UBOX5: variants seen among roughly 807,000 people sequenced by gnomAD.
UBOX5 encodes the protein RING finger protein 37.
Under a neutral mutation model 39.0 loss-of-function variants are expected in UBOX5, and 28 were observed. The observed-to-expected ratio is 0.72, with a 90% CI of 0.53 to 0.98. The LOEUF is 0.98. Among genes scored for constraint, UBOX5 ranks in the 50% least tolerant of loss-of-function variants. UBOX5 has a pLI of 0.00. For missense variants in UBOX5, 585 were observed against 674.4 expected (o/e 0.87, Z 1.47); for synonymous variants, 283 against 275.5 (o/e 1.03, Z -0.27).
intron 1 of UBOX5, among the ~76,000 whole-genome samples, chr20:3,134,174 T>C (rs1384908473): frequency 6.6e-6 from 1 of 152,182 alleles, no homozygotes; most frequent in Non-Finnish European, 1.5e-5. Flanking sequence ...ATATATTATG[T>C]GTATCATCTT....
At chr20:3,148,521 T>A in intron 1 of UBOX5, 1 of 1,614,170 alleles carries the variant, frequency 6.2e-7, no homozygotes, top group Non-Finnish European at 8.5e-7. Flanking sequence ...AAGCTGGTAC[T>A]GCCCAGCAAG....
intron 1 of UBOX5, among the ~76,000 whole-genome samples, chr20:3,128,984 T>G (rs1477727654): frequency 6.6e-6 from 1 of 152,210 alleles, no homozygotes; most frequent in African/African-American, 2.4e-5. Flanking sequence ...GACCTGAAAT[T>G]AAGGAAAATC....
At chr20:3,113,323 A>C (rs2148586478) in intron 4 of UBOX5, among the ~76,000 whole-genome samples, 1 of 150,144 alleles carries the variant, frequency 6.7e-6, no homozygotes. Context: ...AAAAAGACAC[A>C]GTGAGAGTGG....
Position 3,115,333 on chromosome 20 carries a change from G to A in UBOX5, c.1389C>T (p.Asn463=). The A allele has an allele frequency of 6.2e-7, 1 of 1,613,280 alleles. No homozygotes were observed. The highest frequency in any genetic ancestry group is 8.5e-7 in the Non-Finnish European group (1 of 1,179,616). ...AGCCGGTGCCAGGCCTCCAGGAAGT[G>A]TTGCTCCCTCTTGTGCCAAGGTGCT... ...QLQHLGTRGS[N]TSWRPGTGSE... is the part of the protein sequence containing the mutation. The change falls in exon 4 of 5, where the codon AAC becomes AAT. Residue 463 remains asparagine (N), a synonymous_variant. Transcript: ENST00000217173.
At chr20:3,150,235 AACTC>A (rs1600415624) in intron 1 of UBOX5, among the ~76,000 whole-genome samples, 1 of 152,188 alleles carries the variant, frequency 6.6e-6, no homozygotes, top group East Asian at 1.9e-4. Context: ...TATACTAAAA[AACTC>A]ACTCATTTTG....
Position 3,121,951 on chromosome 20 carries a change from T to C in UBOX5, c.688A>G (p.Met230Val). The C allele has an allele frequency of 1.2e-6, 2 of 1,613,908 alleles. No homozygotes were observed. Among genetic ancestry groups the C allele is most frequent in the East Asian group, 2.2e-5 (1 of 44,872 alleles). ...DVALQAPALP[M>V]ESDCDPGDQP... ...TCCCCAGGGTCACAGTCACTTTCCATGGGCAAGGCTGGAGCCTGCAGAGCC... is the reference window on the plus strand; with the variant it reads ...TCCCCAGGGTCACAGTCACTTTCCACGGGCAAGGCTGGAGCCTGCAGAGCC... Residue 230 changes from methionine to valine, a missense_variant, in exon 3 of 5, where the codon ATG becomes GTG. Transcript: ENST00000217173.
chr20:3,143,631 T>C lies in UBOX5; in HGVS notation c.-42+16135A>G, dbSNP rs1366918398. Among the ~76,000 whole-genome samples, 6 of 151,974 alleles carry C rather than the reference T, an allele frequency of 3.9e-5. No individual in the cohort carries two copies. In the East Asian group the frequency reaches 1.2e-3, roughly 30 times the overall value. ...CAAGATGGCGAAACCCTGTCTCTAT[T>C]AAAAATACAAAAAATTAGCTGGGCG... On this transcript the variant is annotated intron_variant, in intron 1 of 4. Coordinates refer to ENST00000217173, the MANE Select transcript of UBOX5 (RefSeq NM_014948.4).
At chr20:3,136,609 C>T (rs1265266846) in intron 1 of UBOX5, among the ~76,000 whole-genome samples, 1 of 152,114 alleles carries the variant, frequency 6.6e-6, no homozygotes, top group Non-Finnish European at 1.5e-5. Flanking sequence ...CCCACCTCAG[C>T]CTCCCAAAGT....
At chr20:3,146,562 G>C (rs2066565041) in intron 1 of UBOX5, 1 of 541,044 alleles carries the variant, frequency 1.8e-6, no homozygotes, top group African/African-American at 1.9e-5. Context: ...TATTTACTAA[G>C]AGTAACATGT....
chr20:3,134,782 T>C (rs1035152591), intron 1 of UBOX5, among the ~76,000 whole-genome samples: 2 of 151,696 alleles, frequency 1.3e-5, no homozygotes, highest in Non-Finnish European at 2.9e-5. Flanking sequence ...TCACAATCAC[T>C]TGAACCCGGG....
chr20:3,158,851 A>G (rs995370377), intron 1 of UBOX5, among the ~76,000 whole-genome samples: 7 of 152,270 alleles, frequency 4.6e-5, no homozygotes, highest in African/African-American at 1.7e-4. Flanking sequence ...AGTGAGCTAC[A>G]GAATCTAGTT....
chr20:3,140,950 A>C (rs2066512910), intron 1 of UBOX5, among the ~76,000 whole-genome samples: 6 of 121,300 alleles, frequency 4.9e-5, no homozygotes, highest in African/African-American at 2.0e-4. Context: ...ACTGAGTCTC[A>C]CTCTGTCACC....
chr20:3,123,741 C>A (rs1292789391), intron 1 of UBOX5, among the ~76,000 whole-genome samples: 1 of 152,030 alleles, frequency 6.6e-6, no homozygotes, highest in Non-Finnish European at 1.5e-5. Context: ...TATCTGAGCT[C>A]AGAGAAAGGA....
At chr20:3,123,674 T>C (rs1221098003) in intron 1 of UBOX5, among the ~76,000 whole-genome samples, 1 of 152,072 alleles carries the variant, frequency 6.6e-6, no homozygotes, top group African/African-American at 2.4e-5. Context: ...AAAGACCCAA[T>C]GGAGGCAAGG....
At chr20:3,114,002 C>G (rs957085444) in intron 4 of UBOX5, among the ~76,000 whole-genome samples, 6 of 152,084 alleles carry the variant, frequency 3.9e-5, no homozygotes, top group Non-Finnish European at 7.4e-5. Flanking sequence ...GGCGTGGTGG[C>G]GGGTGCCTGT....
intron 1 of UBOX5, among the ~76,000 whole-genome samples, chr20:3,128,147 T>C (rs539497509): frequency 6.6e-6 from 1 of 152,374 alleles, no homozygotes; most frequent in Non-Finnish European, 1.5e-5. Flanking sequence ...AAGTATCTGA[T>C]GCATTGTGTC....
At chr20:3,118,316 T>C (rs1281037465) in intron 3 of UBOX5, among the ~76,000 whole-genome samples, 1 of 151,658 alleles carries the variant, frequency 6.6e-6, no homozygotes, top group Non-Finnish European at 1.5e-5. Flanking sequence ...ATACTAAAAA[T>C]ACAAAAATTA....
At chr20:3,117,812 C>G (rs113224915) in intron 3 of UBOX5, among the ~76,000 whole-genome samples, 2 of 151,650 alleles carry the variant, frequency 1.3e-5, no homozygotes, top group African/African-American at 4.8e-5. Flanking sequence ...GCCAACATGG[C>G]GAAACCCCAT....
rs1439744662 is a variant in UBOX5, at chr20:3,149,839, G to A, written c.-42+9927C>T. On this transcript the variant is annotated intron_variant, in intron 1 of 4. Coordinates refer to ENST00000217173, the MANE Select transcript of UBOX5 (RefSeq NM_014948.4). This position sits in a 1 kb window ranked among gnomAD's most constrained non-coding sequence, Gnocchi z 4.1. ...TCAAGACCAGCCTGGCCAACAAGGC[G>A]AAATCCCGTCTCTATTAAAAATACA... Among the ~76,000 whole-genome samples, 4 of 152,008 alleles carry A rather than the reference G, an allele frequency of 2.6e-5. No homozygotes were observed. Among genetic ancestry groups the A allele is most frequent in the East Asian group, 1.9e-4 (1 of 5,174 alleles).
Sources: gnomAD v4.1 joint callset for allele counts (sites outside exome capture counted in the v4.1 genomes callset) on GRCh38, gnomAD v4.1.1 for gene constraint, Gnocchi (gnomAD v3.1) non-coding constraint, MANE v1.5 for transcripts, NCBI Gene and HGNC (gene_info 2026-07-23, HGNC 2026-07-21) for gene names.